Variants in ATM observed in about 807,000 individuals in gnomAD.
ATM encodes serine-protein kinase ATM.
Under a neutral mutation model 387.0 loss-of-function variants are expected in ATM, and 308 were observed. The observed-to-expected ratio is 0.80, with a 90% CI of 0.73 to 0.87. ATM has a LOEUF of 0.87. Ranked by LOEUF, ATM falls within the 40% of genes least tolerant of loss-of-function variation. The pLI is 0.00. For synonymous variants in ATM, 1,156 were observed against 1,187.3 expected, an observed-to-expected ratio of 0.97 and a Z score of 0.54; for missense variants, 3,312 against 3,560.9, an observed-to-expected ratio of 0.93 and a Z score of 1.78.
intron 32 of ATM, 144 bp downstream of exon 32, chr11:108,295,203 TA>T: frequency 9.2e-7 from 1 of 1,085,234 alleles, no homozygotes. Flanking sequence ...CATCTAACTG[TA>T]AAACTGGTCC....
Position 108,301,544 on chromosome 11 carries a change from AT to A in ATM, c.5178-103del, listed in dbSNP as rs1458412740. ...AATTTTGTAAATGTAAAGTTTCCTA[AT>A]ACAAATTTTAAATTTTAGTTTTGAA... On this transcript the variant is annotated intron_variant, in intron 34 of 62. Transcript: ENST00000675843. 4.0e-5 allele frequency: 56 copies of A among 1,394,548 alleles called. 1 individual carries two copies. The South Asian group carries it at 5.1e-4, about 13-fold the overall frequency. The allele number at this position is 1,394,548 out of a possible 1,614,324, so 86.4% of individuals were successfully genotyped here.
In ATM at chr11:108,281,038, A is replaced by G. The variant is rs1414846775; in HGVS notation, c.3446A>G (p.Asn1149Ser). Residue 1149 changes from asparagine to serine, a missense_variant, in exon 24 of 63, where the codon AAT becomes AGT. Coordinates refer to ENST00000675843, the MANE Select transcript of ATM (RefSeq NM_000051.4). Reference protein sequence around the residue: ...ENPETLDEIYNRKSVLLTLIA... With the variant: ...ENPETLDEIYSRKSVLLTLIA... ...CCTGAAACTTTGGATGAAATTTATA[A>G]TAGAAAATCTGTTTTACTGACGTTG... 2.5e-6 allele frequency: 4 copies of G among 1,613,664 alleles called. No homozygotes were observed. Among genetic ancestry groups the G allele is most frequent in the Admixed American group, 1.7e-5 (1 of 60,000 alleles).
chr11:108,347,458 G>C (rs759606997), intron 59 of ATM, 93 bp downstream of exon 59: 50 of 1,093,324 alleles, frequency 4.6e-5, no homozygotes, highest in Non-Finnish European at 5.3e-5. Flanking sequence ...AAATATAAGA[G>C]ACAGATAAAT....
intron 7 of ATM, among the ~76,000 whole-genome samples, chr11:108,245,689 CTCTG>C (rs1375556722): frequency 2.0e-5 from 3 of 152,070 alleles, no homozygotes; most frequent in Non-Finnish European, 4.4e-5. Flanking sequence ...TTTCCTCTTG[CTCTG>C]TCTATGATTG....
intron 16 of ATM, among the ~76,000 whole-genome samples, chr11:108,262,385 G>A (rs1156262875): frequency 1.3e-5 from 2 of 152,180 alleles, no homozygotes; most frequent in Non-Finnish European, 2.9e-5. Flanking sequence ...TCCAAACTAA[G>A]CTTCATAAGT....
At chr11:108,224,508 A>T (rs2078643589) in intron 1 of ATM, 2 of 152,204 alleles carry the variant, frequency 1.3e-5, no homozygotes, top group South Asian at 4.1e-4. Context: ...GTTCATCTTT[A>T]TATGGTGACA....
chr11:108,336,643 A>G (rs2086891047), intron 56 of ATM, among the ~76,000 whole-genome samples: 1 of 152,226 alleles, frequency 6.6e-6, no homozygotes, highest in Non-Finnish European at 1.5e-5. Context: ...GAACATACAA[A>G]TTTCATACAT....
rs1233413929 is a variant in ATM, at chr11:108,307,805, T to C, written c.5675-92T>C. ...TTAGGTACTGCCCACCAGAACCTTATAGCATAGTGGGAGACAGACACATAA... is the reference window on the plus strand; with the variant it reads ...TTAGGTACTGCCCACCAGAACCTTACAGCATAGTGGGAGACAGACACATAA... On this transcript the variant is annotated intron_variant, in intron 37 of 62. Coordinates refer to ENST00000675843, the MANE Select transcript of ATM (RefSeq NM_000051.4). The C allele has an allele frequency of 4.3e-6, 5 of 1,161,334 alleles. No homozygotes were observed. In the African/African-American group the frequency reaches 4.6e-5, roughly 11 times the overall value. The allele number at this position is 1,161,334 out of a possible 1,614,324, so 71.9% of individuals were successfully genotyped here. A position where few individuals can be genotyped will look rare whatever the true frequency, so the allele number is the denominator to read the frequency against.
chr11:108,316,158 C>T (rs1565500225), intron 42 of ATM, 45 bp downstream of exon 42: 1 of 1,517,820 alleles, frequency 6.6e-7, no homozygotes, highest in Non-Finnish European at 9.1e-7. Flanking sequence ...TAGTGTAGTG[C>T]TGAGGTTATT....
In ATM at chr11:108,244,135, T is replaced by C; in HGVS notation, c.662+17T>C. The C allele has an allele frequency of 6.2e-7, 1 of 1,613,414 alleles. No homozygotes were observed. Among genetic ancestry groups the C allele is most frequent in the Non-Finnish European group, 8.5e-7 (1 of 1,179,634 alleles). On this transcript the variant is annotated intron_variant, in intron 6 of 62. Transcript: ENST00000675843. The stretch of plus-strand genomic sequence containing the variant: ...GTGTGCGAGGTAATCTAATCTCTTT[T>C]TCTTTTGTTTTGTATTGAAATACTT...
intron 59 of ATM, among the ~76,000 whole-genome samples, chr11:108,350,049 C>T (rs1254119678): frequency 6.6e-6 from 1 of 151,932 alleles, no homozygotes; most frequent in Admixed American, 6.6e-5. Flanking sequence ...TGGTAACTGG[C>T]CTTAAAAGAA....
intron 13 of ATM, among the ~76,000 whole-genome samples, chr11:108,255,565 A>T (rs1247714141): frequency 6.6e-6 from 1 of 151,114 alleles, no homozygotes; most frequent in Non-Finnish European, 1.5e-5. Context: ...AGCTGAGATT[A>T]TAGGTGCCTG....
chr11:108,244,653 G>T, intron 6 of ATM, 135 bp from the exon 7 acceptor site: 1 of 775,860 alleles, frequency 1.3e-6, no homozygotes, highest in Non-Finnish European at 2.2e-6. Flanking sequence ...TTAATGAATA[G>T]TTTTGAAATT....
intron 17 of ATM, among the ~76,000 whole-genome samples, chr11:108,267,793 G>T (rs187139319): frequency 6.6e-6 from 1 of 152,332 alleles, no homozygotes; most frequent in Non-Finnish European, 1.5e-5. Context: ...GGGAGGTGGA[G>T]GTTGCAGTGA....
rs373699194 is a variant in ATM, at chr11:108,272,784, A to G, written c.3216A>G (p.Glu1072=). ...TGGGAAAAGACTTTCCTGTAAATGA[A>G]GTATTTACACAATTTCTTGCTGACA... ...NVMGKDFPVN[E]VFTQFLADNH... is the part of the protein sequence containing the mutation. The change falls in exon 22 of 63, where the codon GAA becomes GAG. Residue 1072 remains glutamate, a synonymous_variant. Coordinates refer to ENST00000675843, the MANE Select transcript of ATM (RefSeq NM_000051.4). 5.6e-6 allele frequency: 9 copies of G among 1,613,798 alleles called. No homozygotes were observed. The highest frequency in any genetic ancestry group is 3.3e-5 in the Admixed American group (2 of 60,006).
rs749971237 is a variant in ATM at position 108,289,808 on chromosome 11, A to C, written c.4436+7A>C. ...TTCACTATATCAACCAAAGGTAAAT[A>C]ACATATTTAGACCAATATATAAGCA... On this transcript the variant is annotated splice_region_variant and intron_variant, in intron 29 of 62. Coordinates refer to ENST00000675843, the MANE Select transcript of ATM (RefSeq NM_000051.4). The C allele has an allele frequency of 6.2e-7, 1 of 1,609,894 alleles. No individual in the cohort carries two copies. Among genetic ancestry groups the C allele is most frequent in the Non-Finnish European group, 8.5e-7 (1 of 1,177,746 alleles).
chr11:108,251,164 A>T (rs2135331541), intron 10 of ATM, 92 bp downstream of exon 10: 1 of 1,561,796 alleles, frequency 6.4e-7, no homozygotes, highest in Non-Finnish European at 8.7e-7. Flanking sequence ...ATAGTTTGTT[A>T]CTTCAGTTAA....
At chr11:108,265,567 G>C (rs1431635248) in intron 16 of ATM, among the ~76,000 whole-genome samples, 1 of 150,244 alleles carries the variant, frequency 6.7e-6, no homozygotes, top group Non-Finnish European at 1.5e-5. Context: ...CAGGACATAG[G>C]CATGGGCAAG....
Position 108,310,147 on chromosome 11 carries a change from C to T in ATM, c.5763-13C>T, listed in dbSNP as rs1057522554. 6.2e-7 allele frequency: 1 copy of T among 1,610,500 alleles called. No homozygotes were observed. The highest frequency in any genetic ancestry group is 8.5e-7 in the Non-Finnish European group (1 of 1,177,438). On this transcript the variant is annotated splice_polypyrimidine_tract_variant and intron_variant, in intron 38 of 62. Transcript: ENST00000675843. ...TAAAAAAGTGAATGACATTATATCTCATTTTTCTTTAGACCTTCTTCAGGA... is the reference window on the plus strand; with the variant it reads ...TAAAAAAGTGAATGACATTATATCTTATTTTTCTTTAGACCTTCTTCAGGA...
Sources: allele counts gnomAD v4.1 joint callset (sites outside exome capture counted in the v4.1 genomes callset), GRCh38; gene constraint gnomAD v4.1.1; transcripts MANE v1.5; gene names NCBI Gene and HGNC (gene_info 2026-07-23, HGNC 2026-07-21).